The following CCDC61 variants were observed in gnomAD, a reference collection of about 807,000 sequenced individuals.
CCDC61 encodes centrosomal protein CCDC61.
A neutral mutation model predicts 63.0 loss-of-function variants in CCDC61; 55 were observed. That is an observed-to-expected ratio of 0.87 (90% confidence interval 0.70 to 1.09). The LOEUF (loss-of-function observed/expected upper bound fraction) is 1.09. Ranked by LOEUF, CCDC61 falls within the 50% of genes least tolerant of loss-of-function variation. CCDC61 has a pLI of 0.00. For synonymous variants in CCDC61, 270 were observed against 317.0 expected (o/e 0.85, Z 1.58); for missense variants, 651 against 731.4 (o/e 0.89, Z 1.27).
chr19:46,013,867 G>GAAA (rs5828260), intron 5 of CCDC61, among the ~76,000 whole-genome samples: 1 of 135,864 alleles, frequency 7.4e-6, no homozygotes, highest in Non-Finnish European at 1.6e-5. Flanking sequence ...CTCCGTCTCA[G>GAAA]AAAAAAAAAA....
At chr19:45,997,937 T>G (rs1292209952) in intron 1 of CCDC61, among the ~76,000 whole-genome samples, 1 of 152,128 alleles carries the variant, frequency 6.6e-6, no homozygotes, top group African/African-American at 2.4e-5. Flanking sequence ...TCTGCCCACC[T>G]CAGCCTCCCA....
intron 5 of CCDC61, among the ~76,000 whole-genome samples, chr19:46,011,060 CT>C (rs762176005): frequency 1.0e-3 from 126 of 125,642 alleles, no homozygotes; most frequent in Middle Eastern, 4.0e-3. Context: ...TTCTTTCTTT[CT>C]TTTTTTTTTT....
intron 1 of CCDC61, chr19:45,996,498 T>C (rs11880670): frequency 0.46 from 69,585 of 150,144 alleles, 16,438 homozygotes; most frequent in Non-Finnish European, 0.49. Context: ...GGCGCGATCT[T>C]GGCTCACTGA....
intron 5 of CCDC61, among the ~76,000 whole-genome samples, chr19:46,014,263 A>C (rs1285806788): frequency 6.6e-6 from 1 of 152,024 alleles, no homozygotes; most frequent in Non-Finnish European, 1.5e-5. Context: ...ATTTCTGTTC[A>C]TTTTCCCCTT....
chr19:46,016,405 T>C lies in CCDC61; in HGVS notation c.1091+12T>C, dbSNP rs935424822. On this transcript the variant is annotated intron_variant, in intron 9 of 13. Coordinates refer to ENST00000595358, the MANE Select transcript of CCDC61 (RefSeq NM_001267723.2). The surrounding 1 kb of genome is among the most constrained non-coding windows in gnomAD (Gnocchi z 7.2). ...GAGATCCAGATGAAGTCAGTGCCCCTTCCTCCCTCACCTGCCCCTGTCCCT... is the reference window on the plus strand; with the variant it reads ...GAGATCCAGATGAAGTCAGTGCCCCCTCCTCCCTCACCTGCCCCTGTCCCT... The C allele has an allele frequency of 1.2e-6, 2 of 1,613,068 alleles. No homozygotes were observed. Among genetic ancestry groups the C allele is most frequent in the Admixed American group, 1.7e-5 (1 of 60,002 alleles).
intron 5 of CCDC61, 129 bp downstream of exon 5, chr19:46,008,430 CA>C (rs11330181): frequency 0.11 from 88,664 of 818,288 alleles, 5,780 homozygotes; most frequent in South Asian, 0.18. Context: ...TTTTTTGAGA[CA>C]AGAGTCTCAC....
intron 3 of CCDC61, among the ~76,000 whole-genome samples, chr19:46,005,156 A>G (rs1355175566): frequency 1.3e-5 from 2 of 152,052 alleles, no homozygotes; most frequent in African/African-American, 2.4e-5. Context: ...AATTACAGGC[A>G]TGCGCCATCA....
rs1370085920 is a variant in CCDC61 at position 46,015,567 on chromosome 19, G to A, written c.845+140G>A. On this transcript the variant is annotated intron_variant, in intron 7 of 13. Coordinates refer to ENST00000595358, the MANE Select transcript of CCDC61 (RefSeq NM_001267723.2). The surrounding 1 kb of genome is among the most constrained non-coding windows in gnomAD (Gnocchi z 5.3). ...GGCTGAAGGGGAGGCGGGGCTTAGC[G>A]GACCCCGTCTGGAGTCCAGACAGGA... 1 of 767,702 alleles carries A rather than the reference G, an allele frequency of 1.3e-6. No individual in the cohort carries two copies. The highest frequency in any genetic ancestry group is 2.0e-6 in the Non-Finnish European group (1 of 492,488). 47.6% of individuals were successfully genotyped at this position (767,702 alleles called of 1,614,324 possible). A position where few individuals can be genotyped will look rare whatever the true frequency, so the allele number is the denominator to read the frequency against.
intron 3 of CCDC61, 135 bp downstream of exon 3, chr19:46,003,636 C>T: frequency 5.3e-6 from 3 of 567,156 alleles, no homozygotes; most frequent in Non-Finnish European, 9.2e-6. Context: ...TCATTTTCTT[C>T]TTTTGCCAAG....
chr19:46,018,558 A>G lies in CCDC61; in HGVS notation c.*171A>G. 1.7e-6 allele frequency: 1 copy of G among 591,318 alleles called. No homozygotes were observed. Among genetic ancestry groups the G allele is most frequent in the Non-Finnish European group, 3.1e-6 (1 of 327,430 alleles). The allele number at this position is 591,318 out of a possible 1,614,324, so 36.6% of individuals were successfully genotyped here. A position where few individuals can be genotyped will look rare whatever the true frequency, so the allele number is the denominator to read the frequency against. On this transcript the variant is annotated 3_prime_UTR_variant, in exon 14 of 14. Transcript: ENST00000595358. This position sits in a 1 kb window ranked among gnomAD's most constrained non-coding sequence, Gnocchi z 4.2. Reference sequence around the variant, plus strand: ...CCCTGACCCTGCCCTCTCCCCAGGCAGTGCATGCTGGGAGGGAGGATGTGT... The same window carrying G: ...CCCTGACCCTGCCCTCTCCCCAGGCGGTGCATGCTGGGAGGGAGGATGTGT...
rs915396488 is a variant in CCDC61 at position 46,016,410 on chromosome 19, C to G, written c.1091+17C>G. ...CCAGATGAAGTCAGTGCCCCTTCCT[C>G]CCTCACCTGCCCCTGTCCCTGGCCC... On this transcript the variant is annotated intron_variant, in intron 9 of 13. Transcript: ENST00000595358. This position sits in a 1 kb window ranked among gnomAD's most constrained non-coding sequence, Gnocchi z 7.2. 2 of 1,612,456 alleles carry G rather than the reference C, an allele frequency of 1.2e-6. No individual in the cohort carries two copies. The highest frequency in any genetic ancestry group is 1.1e-5 in the South Asian group (1 of 91,062).
intron 5 of CCDC61, among the ~76,000 whole-genome samples, chr19:46,010,192 T>G (rs1039490807): frequency 6.6e-6 from 1 of 152,200 alleles, no homozygotes; most frequent in African/African-American, 2.4e-5. Context: ...TTATCGTCCC[T>G]CTTCACAGAT....
intron 1 of CCDC61, among the ~76,000 whole-genome samples, chr19:46,000,641 A>G (rs1399723836): frequency 1.3e-5 from 2 of 151,620 alleles, no homozygotes; most frequent in Non-Finnish European, 2.9e-5. Context: ...GGCCGTGTGG[A>G]GCTGGCACGG....
In CCDC61 at chr19:46,015,567, G is replaced by C; in HGVS notation, c.845+140G>C. 1 of 767,704 alleles carries C rather than the reference G, an allele frequency of 1.3e-6. No individual in the cohort carries two copies. Among genetic ancestry groups the C allele is most frequent in the South Asian group, 1.8e-5 (1 of 54,156 alleles). The allele number at this position is 767,704 out of a possible 1,614,324, so 47.6% of individuals were successfully genotyped here. Reference sequence around the variant, plus strand: ...GGCTGAAGGGGAGGCGGGGCTTAGCGGACCCCGTCTGGAGTCCAGACAGGA... The same window carrying C: ...GGCTGAAGGGGAGGCGGGGCTTAGCCGACCCCGTCTGGAGTCCAGACAGGA... On this transcript the variant is annotated intron_variant, in intron 7 of 13. Coordinates refer to ENST00000595358, the MANE Select transcript of CCDC61 (RefSeq NM_001267723.2). The surrounding 1 kb of genome is among the most constrained non-coding windows in gnomAD (Gnocchi z 5.3).
At chr19:46,007,801 C>CG (rs1188300269) in intron 4 of CCDC61, among the ~76,000 whole-genome samples, 6 of 152,180 alleles carry the variant, frequency 3.9e-5, no homozygotes, top group Admixed American at 1.3e-4. Flanking sequence ...CAGAATGCCC[C>CG]GCTGTGGCAT....
At position 46,006,656 on chromosome 19, in the gene CCDC61, G is replaced by C. The variant is rs776904015; in HGVS notation, c.329G>C (p.Arg110Thr). The C allele has an allele frequency of 1.2e-6, 2 of 1,613,798 alleles. No individual in the cohort carries two copies. Among genetic ancestry groups the C allele is most frequent in the South Asian group, 2.2e-5 (2 of 91,042 alleles). ...GGCCGCCCAGGCTCCTTGGCCCCCA[G>C]GTCGGCCCAGCTCAACTCCAAGCGC... The part of the protein sequence containing the change: ...MGGRPGSLAP[R>T]SAQLNSKRYL... Residue 110 changes from arginine to threonine, a missense_variant, in exon 4 of 14, where the codon AGG becomes ACG. By Grantham distance (71) the Arg-to-Thr change is moderately conservative. Transcript: ENST00000595358.
chr19:46,014,316 T>C (rs995668683), intron 5 of CCDC61, among the ~76,000 whole-genome samples: 3 of 152,208 alleles, frequency 2.0e-5, no homozygotes, highest in African/African-American at 7.2e-5. Context: ...TTTGGTTTAT[T>C]CTGTAATTTT....
intron 4 of CCDC61, 58 bp from the exon 5 acceptor site, chr19:46,008,082 T>C: frequency 6.6e-7 from 1 of 1,507,970 alleles, no homozygotes; most frequent in Non-Finnish European, 8.9e-7. Context: ...GGCTGCTGTT[T>C]ACCCTCAGGT....
At chr19:46,017,873 C>A (rs963540761) in intron 12 of CCDC61, among the ~76,000 whole-genome samples, 1 of 152,024 alleles carries the variant, frequency 6.6e-6, no homozygotes, top group Admixed American at 6.5e-5. Context: ...ATCAGTTAAC[C>A]AGGGTTGGTA....
Sources: allele counts gnomAD v4.1 joint callset (sites outside exome capture counted in the v4.1 genomes callset), GRCh38; gene constraint gnomAD v4.1.1; non-coding constraint Gnocchi (gnomAD v3.1); transcripts MANE v1.5; gene names NCBI Gene and HGNC (gene_info 2026-07-23, HGNC 2026-07-21).